ZZZ3: variants seen among roughly 807,000 people sequenced by gnomAD.
ZZZ3 encodes the protein zinc finger ZZ-type containing 3, also known as ZZ-type zinc finger-containing protein 3.
ZZZ3 carries 22 observed loss-of-function variants against 95.2 expected under a neutral mutation model. The observed-to-expected ratio is 0.23, with a 90% CI of 0.17 to 0.33. The LOEUF (loss-of-function observed/expected upper bound fraction) is 0.33, where lower values mean the gene tolerates loss of function less well. ZZZ3 is among the 10% of genes least tolerant of loss of function. The pLI is 1.00. For synonymous variants in ZZZ3, 335 were observed against 358.9 expected, an observed-to-expected ratio of 0.93 and a Z score of 0.75; for missense variants, 885 against 1,066.5, an observed-to-expected ratio of 0.83 and a Z score of 2.37.
At chr1:77,577,465 C>T (rs2047167) in intron 11 of ZZZ3, among the ~76,000 whole-genome samples, 3,784 of 152,044 alleles carry the variant, frequency 0.025, 126 homozygotes, top group African/African-American at 0.087. Context: ...GGTGGGAAAC[C>T]CAAAATATTT....
intron 1 of ZZZ3, among the ~76,000 whole-genome samples, chr1:77,650,237 A>G (rs576103964): frequency 4.6e-5 from 7 of 152,210 alleles, no homozygotes; most frequent in Non-Finnish European, 8.8e-5. Flanking sequence ...AAGCATATAG[A>G]AAAAATAAAA....
intron 5 of ZZZ3, among the ~76,000 whole-genome samples, chr1:77,593,056 A>C (rs1663875658): frequency 6.6e-6 from 1 of 152,186 alleles, no homozygotes; most frequent in African/African-American, 2.4e-5. Flanking sequence ...AAACAGTAGA[A>C]GATCAGAGTT....
At chr1:77,613,599 T>G (rs939428632) in intron 5 of ZZZ3, among the ~76,000 whole-genome samples, 2 of 152,054 alleles carry the variant, frequency 1.3e-5, no homozygotes, top group African/African-American at 4.8e-5. Flanking sequence ...TATGCAATTG[T>G]AAGGAAGAGA....
chr1:77,610,651 G>A (rs928062841), intron 5 of ZZZ3, among the ~76,000 whole-genome samples: 5 of 151,760 alleles, frequency 3.3e-5, no homozygotes, highest in African/African-American at 1.2e-4. Flanking sequence ...ATGAAAGGAT[G>A]GTTCAACATA....
At chr1:77,599,767 T>C (rs1664555818) in intron 5 of ZZZ3, among the ~76,000 whole-genome samples, 1 of 152,068 alleles carries the variant, frequency 6.6e-6, no homozygotes, top group Non-Finnish European at 1.5e-5. Flanking sequence ...TACTAGATTT[T>C]TAAAAAAATT....
At chr1:77,648,206 A>C (rs563671777) in intron 1 of ZZZ3, among the ~76,000 whole-genome samples, 50 of 151,982 alleles carry the variant, frequency 3.3e-4, no homozygotes, top group Non-Finnish European at 6.2e-4. Context: ...AAAATTAGCC[A>C]GATGTTGTGG....
rs10581619 is a variant in ZZZ3 at position 77,568,471 on chromosome 1, CAAAAAAAAAA to C, written c.2332-15_2332-6del. On this transcript the variant is annotated splice_region_variant and splice_polypyrimidine_tract_variant and intron_variant, in intron 12 of 14. Transcript: ENST00000370801. ...GATAGGAATACTTTCGTCATCCTAT[CAAAAAAAAAA>C]AAAAAAAAAAATGTTGGTTTGGTAA... 3.4e-6 allele frequency: 2 copies of C among 593,454 alleles called. No individual in the cohort carries two copies. Among genetic ancestry groups the C allele is most frequent in the South Asian group, 4.5e-5 (1 of 22,032 alleles). 36.8% of individuals were successfully genotyped at this position (593,454 alleles called of 1,614,324 possible). A position where few individuals can be genotyped will look rare whatever the true frequency, so the allele number is the denominator to read the frequency against.
chr1:77,608,394 G>A (rs1412695394), intron 5 of ZZZ3, among the ~76,000 whole-genome samples: 2 of 152,158 alleles, frequency 1.3e-5, no homozygotes, highest in East Asian at 3.8e-4. Flanking sequence ...CCCTAGAATA[G>A]TATATGCAGT....
chr1:77,666,636 T>A (rs1671275867), intron 1 of ZZZ3, among the ~76,000 whole-genome samples: 1 of 152,204 alleles, frequency 6.6e-6, no homozygotes, highest in Non-Finnish European at 1.5e-5. Flanking sequence ...ATTCAGCAAG[T>A]ATTCACTGAC....
At chr1:77,650,002 G>C (rs1669658002) in intron 1 of ZZZ3, among the ~76,000 whole-genome samples, 1 of 152,088 alleles carries the variant, frequency 6.6e-6, no homozygotes, top group Admixed American at 6.6e-5. Context: ...TGGGAAAGGG[G>C]ACATACAATG....
intron 5 of ZZZ3, among the ~76,000 whole-genome samples, chr1:77,589,081 C>T (rs535659996): frequency 2.0e-5 from 3 of 152,212 alleles, no homozygotes; most frequent in Admixed American, 6.5e-5. Flanking sequence ...CTTGCTGTGT[C>T]GCCCAGGCTG....
intron 4 of ZZZ3, among the ~76,000 whole-genome samples, chr1:77,635,655 C>T (rs896773330): frequency 3.3e-5 from 5 of 152,258 alleles, no homozygotes; most frequent in African/African-American, 9.6e-5. Context: ...CCTGTAATCC[C>T]GGTACTTTGG....
At chr1:77,666,822 A>T (rs967577495) in intron 1 of ZZZ3, among the ~76,000 whole-genome samples, 5 of 152,198 alleles carry the variant, frequency 3.3e-5, no homozygotes, top group African/African-American at 1.2e-4. Flanking sequence ...AGGTAGTAAA[A>T]TGAGGTTCAC....
At chr1:77,584,403 C>T (rs890745319) in intron 6 of ZZZ3, 114 bp downstream of exon 6, 29 of 1,074,790 alleles carry the variant, frequency 2.7e-5, no homozygotes, top group Middle Eastern at 3.2e-4. Context: ...TAATTATAGA[C>T]GAAAAAAATT....
Position 77,576,404 on chromosome 1 carries a change from AT to A in ZZZ3, c.2179-185del, listed in dbSNP as rs1019767132. 1.4e-3 allele frequency among the ~76,000 whole-genome samples: 215 copies of A among 152,062 alleles called. 1 individual carries two copies. The highest frequency in any genetic ancestry group is 4.9e-3 in the African/African-American group (205 of 41,474). ...TTTAAAGCATAACTAGCTTTAAAAA[AT>A]TTTTTTTAAATGTAGGGGAAATACC... On this transcript the variant is annotated intron_variant, in intron 11 of 14. Coordinates refer to ENST00000370801, the MANE Select transcript of ZZZ3 (RefSeq NM_015534.6).
At chr1:77,594,189 T>G (rs1170270672) in intron 5 of ZZZ3, among the ~76,000 whole-genome samples, 1 of 152,160 alleles carries the variant, frequency 6.6e-6, no homozygotes, top group African/African-American at 2.4e-5. Flanking sequence ...AAAAGACCTA[T>G]GTGATAAGTT....
chr1:77,622,562 G>A (rs1304273834), intron 5 of ZZZ3, among the ~76,000 whole-genome samples: 1 of 151,986 alleles, frequency 6.6e-6, no homozygotes, highest in East Asian at 1.9e-4. Context: ...AGCAAATCTG[G>A]TACAACAAAA....
chr1:77,569,726 A>G (rs1661186877), intron 12 of ZZZ3, among the ~76,000 whole-genome samples: 1 of 152,178 alleles, frequency 6.6e-6, no homozygotes, highest in Non-Finnish European at 1.5e-5. Context: ...TATTAAGCTT[A>G]GATTTCCTAC....
At chr1:77,647,420 G>A (rs548767967) in intron 1 of ZZZ3, among the ~76,000 whole-genome samples, 2 of 152,104 alleles carry the variant, frequency 1.3e-5, no homozygotes, top group South Asian at 4.1e-4. Context: ...TCAGGAGGCT[G>A]AGGCATGAGA....
Sources: gnomAD v4.1 joint callset for allele counts (sites outside exome capture counted in the v4.1 genomes callset) on GRCh38, gnomAD v4.1.1 for gene constraint, MANE v1.5 for transcripts, NCBI Gene and HGNC (gene_info 2026-07-23, HGNC 2026-07-21) for gene names.